The following ROBO2 variants were observed in gnomAD, a reference collection of about 807,000 sequenced individuals.
ROBO2 encodes roundabout guidance receptor 2.
Under a neutral mutation model 160.8 loss-of-function variants are expected in ROBO2, and 53 were observed. The observed-to-expected ratio is 0.33, with a 90% CI of 0.26 to 0.41. The LOEUF (loss-of-function observed/expected upper bound fraction) is 0.41, where lower values mean the gene tolerates loss of function less well. ROBO2 is among the 10% of genes least tolerant of loss of function. The pLI is 1.00. For missense variants in ROBO2, 1,577 were observed against 1,722.4 expected (o/e 0.92, Z 1.49); for synonymous variants, 664 against 611.7 (o/e 1.09, Z -1.26).
chr3:76,767,424 C>T (rs1015336701), intron 2 of ROBO2, among the ~76,000 whole-genome samples: 4 of 151,398 alleles, frequency 2.6e-5, no homozygotes, highest in South Asian at 2.1e-4. Flanking sequence ...GTTCGAAGAA[C>T]GATTTAAAGT....
chr3:76,643,864 T>C (rs2109758475), intron 2 of ROBO2, among the ~76,000 whole-genome samples: 1 of 152,238 alleles, frequency 6.6e-6, no homozygotes, highest in South Asian at 2.1e-4. Flanking sequence ...CTATGGATTC[T>C]GAATAAGGGG....
At chr3:77,588,828 G>A (rs1233720021) in exon 17 of ROBO2, 1 of 1,613,468 alleles carries the variant, frequency 6.2e-7, no homozygotes, top group Non-Finnish European at 8.5e-7. Flanking sequence ...GAAGCAACCA[G>A]CCTTTATAGC....
chr3:76,760,454 C>T (rs555478311), intron 2 of ROBO2, among the ~76,000 whole-genome samples: 1 of 151,614 alleles, frequency 6.6e-6, no homozygotes, highest in Non-Finnish European at 1.5e-5. Context: ...AAGAACACTT[C>T]TTCTATAGCC....
At chr3:77,482,102 T>C (rs138756440) in intron 4 of ROBO2, among the ~76,000 whole-genome samples, 51 of 152,280 alleles carry the variant, frequency 3.3e-4, no homozygotes, top group South Asian at 1.0e-3. Flanking sequence ...TGTACACATA[T>C]GTATGTATGT....
At chr3:77,227,238 A>T (rs576697335) in intron 2 of ROBO2, among the ~76,000 whole-genome samples, 1 of 152,306 alleles carries the variant, frequency 6.6e-6, no homozygotes, top group East Asian at 1.9e-4. Flanking sequence ...TGGGCTAAAA[A>T]TGATATTGCA....
intron 2 of ROBO2, among the ~76,000 whole-genome samples, chr3:76,061,893 G>A (rs1301297282): frequency 6.6e-6 from 1 of 151,926 alleles, no homozygotes; most frequent in Non-Finnish European, 1.5e-5. Context: ...CGCATTCTTT[G>A]GCCTGTGGTC....
chr3:76,173,667 C>T (rs967312497), intron 2 of ROBO2, among the ~76,000 whole-genome samples: 18 of 152,108 alleles, frequency 1.2e-4, no homozygotes, highest in Non-Finnish European at 2.5e-4. Context: ...CCAGCTTCAT[C>T]CATGTCCCTG....
intron 2 of ROBO2, among the ~76,000 whole-genome samples, chr3:76,420,683 T>C (rs951684349): frequency 1.3e-5 from 2 of 152,206 alleles, no homozygotes; most frequent in East Asian, 3.8e-4. Context: ...TAATAAGCCA[T>C]AAACACTGTA....
chr3:76,949,597 A>G (rs1294452383), intron 2 of ROBO2, among the ~76,000 whole-genome samples: 1 of 151,734 alleles, frequency 6.6e-6, no homozygotes, highest in African/African-American at 2.4e-5. Flanking sequence ...CTTCTCCCCT[A>G]TTTCCCGTGT....
chr3:77,610,196 TTAAG>T (rs1169527176), intron 21 of ROBO2, among the ~76,000 whole-genome samples: 4 of 152,242 alleles, frequency 2.6e-5, no homozygotes, highest in South Asian at 4.1e-4. Context: ...ATTCATAATA[TTAAG>T]TAAGTCAAAA....
chr3:76,102,200 T>C (rs2069724343), intron 2 of ROBO2, among the ~76,000 whole-genome samples: 1 of 152,226 alleles, frequency 6.6e-6, no homozygotes, highest in Non-Finnish European at 1.5e-5. Flanking sequence ...AGTTTGAATC[T>C]GAAATCACAT....
chr3:77,119,368 T>A (rs115668072), intron 2 of ROBO2, among the ~76,000 whole-genome samples: 7 of 152,320 alleles, frequency 4.6e-5, no homozygotes, highest in African/African-American at 1.7e-4. Context: ...TACAGTATTA[T>A]AACCTTACGG....
At chr3:76,396,961 TG>T in intron 2 of ROBO2, among the ~76,000 whole-genome samples, 1 of 152,144 alleles carries the variant, frequency 6.6e-6, no homozygotes. Flanking sequence ...TTCACAGAAT[TG>T]GAAAAAACTA....
At position 77,084,750 on chromosome 3, in the gene ROBO2, T is replaced by A. The variant is rs138851833; in HGVS notation, c.62-13264T>A. Among the ~76,000 whole-genome samples the A allele has an allele frequency of 2.4e-3, 365 of 152,252 alleles. 2 individuals are homozygous for A. The highest frequency in any genetic ancestry group is 8.2e-3 in the African/African-American group (341 of 41,572). ...ACTTTTCTCTAAGCTGCAGATGTTT[T>A]TTGACAGACTCAAGGAATTGAGACT... On this transcript the variant is annotated intron_variant, in intron 1 of 25. Transcript: ENST00000461745.
chr3:76,563,517 T>G (rs115087774), intron 2 of ROBO2, among the ~76,000 whole-genome samples: 1 of 152,218 alleles, frequency 6.6e-6, no homozygotes, highest in Non-Finnish European at 1.5e-5. Flanking sequence ...TAAATTATAT[T>G]ATGATGGGTT....
At chr3:76,000,325 C>A (rs1305090433) in intron 2 of ROBO2, among the ~76,000 whole-genome samples, 1 of 151,940 alleles carries the variant, frequency 6.6e-6, no homozygotes, top group Non-Finnish European at 1.5e-5. Context: ...GCACACGGGA[C>A]CCATAAAAAT....
At chr3:76,076,293 C>T (rs2068643453) in intron 2 of ROBO2, among the ~76,000 whole-genome samples, 1 of 151,962 alleles carries the variant, frequency 6.6e-6, no homozygotes, top group Admixed American at 6.6e-5. Context: ...AATAAGTAAC[C>T]CAGAAGAAAA....
intron 2 of ROBO2, among the ~76,000 whole-genome samples, chr3:76,592,687 A>T (rs929841219): frequency 6.6e-6 from 1 of 152,084 alleles, no homozygotes; most frequent in Non-Finnish European, 1.5e-5. Flanking sequence ...ACAACTATGT[A>T]GGCCAGACGT....
At chr3:76,832,387 T>C (rs1246248264) in intron 2 of ROBO2, among the ~76,000 whole-genome samples, 1 of 152,194 alleles carries the variant, frequency 6.6e-6, no homozygotes, top group Non-Finnish European at 1.5e-5. Context: ...ATATAAGCCT[T>C]CGTCTTTGCC....
Sources: allele counts gnomAD v4.1 joint callset (sites outside exome capture counted in the v4.1 genomes callset), GRCh38; gene constraint gnomAD v4.1.1; transcripts MANE v1.5; gene names NCBI Gene and HGNC (gene_info 2026-07-23, HGNC 2026-07-21).